AVEN: variants seen among roughly 807,000 people sequenced by gnomAD.
AVEN encodes the protein cell death regulator Aven.
Under a neutral mutation model 38.1 loss-of-function variants are expected in AVEN, and 41 were observed. The ratio of observed to expected loss-of-function variants is 1.08; its 90% confidence interval spans 0.84 to 1.40. The LOEUF (loss-of-function observed/expected upper bound fraction) is 1.40. Among genes scored for constraint, AVEN ranks in the 40% most tolerant of loss-of-function variants. The probability of loss-of-function intolerance (pLI) is 0.00; values close to 1 mark genes in which losing one functional copy is unlikely to be tolerated. For missense variants in AVEN, 605 were observed against 438.8 expected, an observed-to-expected ratio of 1.38 and a Z score of -3.38; for synonymous variants, 206 against 171.8, an observed-to-expected ratio of 1.20 and a Z score of -1.56.
chr15:33,993,747 TC>T (rs1896823540), intron 2 of AVEN, among the ~76,000 whole-genome samples: 3 of 152,216 alleles, frequency 2.0e-5, no homozygotes, highest in Middle Eastern at 3.4e-3. Flanking sequence ...ACACCTCATC[TC>T]CCCACTAGAG....
intron 2 of AVEN, among the ~76,000 whole-genome samples, chr15:33,884,541 CAT>C (rs1205166471): frequency 1.3e-5 from 2 of 152,192 alleles, no homozygotes; most frequent in Non-Finnish European, 2.9e-5. Flanking sequence ...TGGCCTAACA[CAT>C]GTCTTATGGT....
intron 2 of AVEN, among the ~76,000 whole-genome samples, chr15:33,904,656 A>C (rs1240673983): frequency 2.0e-5 from 3 of 148,130 alleles, no homozygotes; most frequent in East Asian, 2.0e-4. Context: ...CAGGTAATCC[A>C]CCTGCCTTGG....
downstream of AVEN, chr15:33,857,681 G>A (rs577485019): frequency 2.7e-5 from 40 of 1,475,834 alleles, no homozygotes; most frequent in African/African-American, 7.0e-5. Context: ...CTCCTTGCCC[G>A]TCCTCACTCT....
chr15:34,033,460 C>T (rs925482420), intron 1 of AVEN, among the ~76,000 whole-genome samples: 1 of 150,974 alleles, frequency 6.6e-6, no homozygotes, highest in South Asian at 2.1e-4. Context: ...GAGCCGAGAT[C>T]GTGCCACTGC....
chr15:34,069,101 G>A (rs1019685245), intron 2 of AVEN, among the ~76,000 whole-genome samples: 8 of 149,590 alleles, frequency 5.3e-5, no homozygotes, highest in African/African-American at 9.8e-5. Flanking sequence ...GTGAGCCACC[G>A]CGCCAAGCCC....
At chr15:34,073,864 A>T (rs1380136264) in intron 1 of AVEN, among the ~76,000 whole-genome samples, 1 of 151,874 alleles carries the variant, frequency 6.6e-6, no homozygotes, top group Non-Finnish European at 1.5e-5. Flanking sequence ...GAAAGAGATT[A>T]CTTCTGTCCT....
intron 5 of AVEN, among the ~76,000 whole-genome samples, chr15:34,053,492 T>A (rs951694918): frequency 1.3e-4 from 19 of 151,556 alleles, no homozygotes; most frequent in African/African-American, 4.6e-4. Context: ...CGTAGGCCAA[T>A]GGAACAGAAT....
chr15:34,029,604 TAAAAAG>T (rs1243057583), intron 1 of AVEN, among the ~76,000 whole-genome samples: 1 of 151,144 alleles, frequency 6.6e-6, no homozygotes, highest in African/African-American at 2.4e-5. Context: ...CTACTGACTT[TAAAAAG>T]AAAAGAAGCA....
At chr15:33,879,265 A>C (rs537470319) in intron 2 of AVEN, among the ~76,000 whole-genome samples, 1 of 151,890 alleles carries the variant, frequency 6.6e-6, no homozygotes, top group East Asian at 1.9e-4. Flanking sequence ...ACATGGATGA[A>C]ATTGGAAATC....
At chr15:33,865,329 A>AGGG, downstream of AVEN, 2 of 799,568 alleles carry the variant, frequency 2.5e-6, no homozygotes, top group South Asian at 1.9e-5. Flanking sequence ...ACATTTTCTA[A>AGGG]ATGCCTCCCT....
At chr15:33,916,037 C>G (rs1404855454) in intron 2 of AVEN, among the ~76,000 whole-genome samples, 3 of 152,148 alleles carry the variant, frequency 2.0e-5, no homozygotes, top group African/African-American at 7.2e-5. Flanking sequence ...CACGGAGAGT[C>G]TGAGCTCAGA....
In AVEN at chr15:33,999,002, TG is replaced by T. The variant is rs1170776958; in HGVS notation, c.445+4029del. Among the ~76,000 whole-genome samples the T allele has an allele frequency of 1.2e-4, 18 of 152,352 alleles. No homozygotes were observed. The East Asian group carries it at 2.3e-3, about 20-fold the overall frequency. On this transcript the variant is annotated intron_variant, in intron 2 of 5. Transcript: ENST00000306730. ...CCCCACATTCCTCTATCCAGCAGCC[TG>T]CTCCATGTCGCCTATTAGATGTTGT...
the AVEN span, chr15:33,853,560 C>A: frequency 6.2e-7 from 1 of 1,613,494 alleles, no homozygotes; most frequent in Non-Finnish European, 8.5e-7. Context: ...TTCAGGTGAT[C>A]AACAAGTATG....
chr15:33,966,122 C>T lies in AVEN; in HGVS notation c.445+36910G>A, dbSNP rs142361090. Among the ~76,000 whole-genome samples the T allele has an allele frequency of 1.4e-4, 22 of 152,244 alleles. No individual in the cohort carries two copies. In the East Asian group the frequency reaches 3.9e-3, roughly 27 times the overall value. ...TTTGCACCCAAAATACACTCATAAT[C>T]TATTATTCCAGTTCCCTCTATAACC... On this transcript the variant is annotated intron_variant, in intron 2 of 5. Transcript: ENST00000306730.
chr15:34,011,199 A>C (rs949838555), intron 1 of AVEN, among the ~76,000 whole-genome samples: 16 of 152,082 alleles, frequency 1.1e-4, no homozygotes, highest in Admixed American at 8.5e-4. Flanking sequence ...CTCAAAAAAA[A>C]CTTTGTTTAC....
chr15:33,875,279 A>T (rs1267800163), intron 3 of AVEN, among the ~76,000 whole-genome samples: 1 of 152,174 alleles, frequency 6.6e-6, no homozygotes, highest in Non-Finnish European at 1.5e-5. Flanking sequence ...TGGGGAGCAT[A>T]TCACAAGTCA....
chr15:34,054,999 C>T, intron 5 of AVEN, among the ~76,000 whole-genome samples: 1 of 152,052 alleles, frequency 6.6e-6, no homozygotes, highest in East Asian at 1.9e-4. Context: ...TCGAGACCAG[C>T]CTGACCAACA....
chr15:33,945,550 T>G (rs963547241), intron 2 of AVEN, among the ~76,000 whole-genome samples: 1 of 152,166 alleles, frequency 6.6e-6, no homozygotes, highest in Non-Finnish European at 1.5e-5. Context: ...CTCTTCATGA[T>G]TTTGTGGGTC....
intron 2 of AVEN, among the ~76,000 whole-genome samples, chr15:33,974,960 G>A (rs1280236147): frequency 1.3e-5 from 2 of 152,080 alleles, no homozygotes; most frequent in African/African-American, 2.4e-5. Context: ...CAACAAGGGC[G>A]AAACTCTATC....
Sources: gnomAD v4.1 joint callset for allele counts (sites outside exome capture counted in the v4.1 genomes callset) on GRCh38, gnomAD v4.1.1 for gene constraint, MANE v1.5 for transcripts, NCBI Gene and HGNC (gene_info 2026-07-23, HGNC 2026-07-21) for gene names.